DNAJC1: variants seen among roughly 807,000 people sequenced by gnomAD.
The protein encoded by DNAJC1 is dnaJ homolog subfamily C member 1.
Under a neutral mutation model 76.6 loss-of-function variants are expected in DNAJC1, and 58 were observed. That is an observed-to-expected ratio of 0.76 (90% CI 0.61 to 0.94). The LOEUF (loss-of-function observed/expected upper bound fraction) is 0.94. Among genes scored for constraint, DNAJC1 ranks in the 40% least tolerant of loss-of-function variants. The pLI, the probability that DNAJC1 is intolerant of heterozygous loss-of-function variation, is 0.00. For synonymous variants in DNAJC1, 258 were observed against 267.9 expected, an observed-to-expected ratio of 0.96 and a Z score of 0.36; for missense variants, 689 against 677.3, an observed-to-expected ratio of 1.02 and a Z score of -0.19.
chr10:21,834,500 C>A (rs181651066), intron 8 of DNAJC1, among the ~76,000 whole-genome samples: 1 of 152,178 alleles, frequency 6.6e-6, no homozygotes, highest in Non-Finnish European at 1.5e-5. Context: ...GCGCACCGTA[C>A]GCGAGCCGAA....
At chr10:21,957,531 A>G (rs1443166946) in intron 1 of DNAJC1, among the ~76,000 whole-genome samples, 1 of 152,150 alleles carries the variant, frequency 6.6e-6, no homozygotes, top group Non-Finnish European at 1.5e-5. Context: ...ATTTAGTATA[A>G]TCTACTTACC....
intron 1 of DNAJC1, among the ~76,000 whole-genome samples, chr10:21,991,610 T>C (rs895141210): frequency 1.3e-5 from 2 of 151,946 alleles, no homozygotes; most frequent in African/African-American, 4.8e-5. Context: ...ATGGAAACAA[T>C]AGTCAGTGAA....
chr10:21,928,431 A>T, intron 3 of DNAJC1, 75 bp downstream of exon 3: 1 of 1,267,638 alleles, frequency 7.9e-7, no homozygotes, highest in Non-Finnish European at 1.1e-6. Context: ...TAAAATGTTT[A>T]AGAAGACTTA....
At chr10:21,806,662 A>G (rs1834887449) in intron 8 of DNAJC1, among the ~76,000 whole-genome samples, 2 of 152,190 alleles carry the variant, frequency 1.3e-5, no homozygotes, top group African/African-American at 4.8e-5. Context: ...TCAATTTTAA[A>G]ATAATATTTT....
chr10:21,803,986 T>C, intron 9 of DNAJC1: 1 of 984,750 alleles, frequency 1.0e-6, no homozygotes, highest in Non-Finnish European at 1.2e-6. Context: ...TGGGTAAGTC[T>C]AGGGAGGAAA....
chr10:21,927,052 G>A (rs1837139661), intron 3 of DNAJC1, among the ~76,000 whole-genome samples: 1 of 152,172 alleles, frequency 6.6e-6, no homozygotes, highest in African/African-American at 2.4e-5. Context: ...CATTCTTGAT[G>A]TGTGAAACAA....
chr10:21,971,310 A>G (rs1223983062), intron 1 of DNAJC1, among the ~76,000 whole-genome samples: 1 of 151,872 alleles, frequency 6.6e-6, no homozygotes, highest in Non-Finnish European at 1.5e-5. Context: ...ATAAATAATT[A>G]TTTAGATATC....
chr10:21,848,022 T>G (rs1334922310), intron 8 of DNAJC1, among the ~76,000 whole-genome samples: 2 of 152,188 alleles, frequency 1.3e-5, no homozygotes, highest in Non-Finnish European at 2.9e-5. Context: ...TGTAGTTTCT[T>G]GAAGAATGTC....
intron 8 of DNAJC1, among the ~76,000 whole-genome samples, chr10:21,881,070 C>G (rs2131720593): frequency 6.6e-6 from 1 of 152,300 alleles, no homozygotes; most frequent in East Asian, 1.9e-4. Flanking sequence ...AGCTGTTTTC[C>G]TTAAGCCTAA....
At chr10:21,842,879 G>A (rs1312129104) in intron 8 of DNAJC1, among the ~76,000 whole-genome samples, 1 of 152,166 alleles carries the variant, frequency 6.6e-6, no homozygotes, top group Non-Finnish European at 1.5e-5. Flanking sequence ...TCTCTCTAGT[G>A]ATAATATAAA....
intron 9 of DNAJC1, among the ~76,000 whole-genome samples, chr10:21,788,950 C>T (rs1037902286): frequency 3.3e-5 from 5 of 152,156 alleles, no homozygotes; most frequent in Admixed American, 6.5e-5. Context: ...ACATCCAACC[C>T]TGCCACAGAG....
At chr10:21,899,275 G>T (rs1352300225) in intron 7 of DNAJC1, among the ~76,000 whole-genome samples, 2 of 152,202 alleles carry the variant, frequency 1.3e-5, no homozygotes, top group Admixed American at 1.3e-4. Flanking sequence ...GGGATCCCTG[G>T]CAAGGCAGGC....
intron 1 of DNAJC1, among the ~76,000 whole-genome samples, chr10:21,994,784 C>G (rs1838387960): frequency 6.6e-6 from 1 of 151,924 alleles, no homozygotes. Context: ...AAGCGAGACT[C>G]TGTCTCAAAA....
At chr10:21,926,451 T>G (rs1327346140) in intron 3 of DNAJC1, among the ~76,000 whole-genome samples, 6 of 152,130 alleles carry the variant, frequency 3.9e-5, no homozygotes, top group Non-Finnish European at 8.8e-5. Flanking sequence ...GGTTACACAT[T>G]TAAAAGTATT....
intron 8 of DNAJC1, among the ~76,000 whole-genome samples, chr10:21,815,320 G>A (rs1359830947): frequency 6.6e-6 from 1 of 152,160 alleles, no homozygotes; most frequent in Non-Finnish European, 1.5e-5. Flanking sequence ...TCTCTGCCGG[G>A]GGTTGTTCTT....
chr10:21,880,316 G>A (rs1836254028), intron 8 of DNAJC1, among the ~76,000 whole-genome samples: 1 of 152,114 alleles, frequency 6.6e-6, no homozygotes, highest in Non-Finnish European at 1.5e-5. Context: ...TCAATATTTT[G>A]ACCTCTTCCC....
intron 1 of DNAJC1, among the ~76,000 whole-genome samples, chr10:21,986,626 T>C (rs1023265236): frequency 6.6e-6 from 1 of 152,168 alleles, no homozygotes; most frequent in Non-Finnish European, 1.5e-5. Context: ...TCTATAAATA[T>C]GTAATATTAT....
intron 1 of DNAJC1, among the ~76,000 whole-genome samples, chr10:21,997,178 A>T (rs1838429548): frequency 6.6e-6 from 1 of 152,242 alleles, no homozygotes; most frequent in Admixed American, 6.5e-5. Context: ...ACCATCATTC[A>T]TGAATGAAAT....
At chr10:21,805,830 C>T (rs1352869781) in intron 9 of DNAJC1, 150 bp downstream of exon 9, 2 of 949,130 alleles carry the variant, frequency 2.1e-6, no homozygotes, top group African/African-American at 1.6e-5. Context: ...CTGCTTCTCA[C>T]TTATTGCATT....
Sources: gnomAD v4.1 joint callset for allele counts (sites outside exome capture counted in the v4.1 genomes callset) on GRCh38, gnomAD v4.1.1 for gene constraint, MANE v1.5 for transcripts, NCBI Gene and HGNC (gene_info 2026-07-23, HGNC 2026-07-21) for gene names.